Variants in CYFIP2 observed in about 807,000 individuals in gnomAD.
The protein encoded by CYFIP2 is cytoplasmic FMR1 interacting protein 2.
Under a neutral mutation model 158.7 loss-of-function variants are expected in CYFIP2, and 29 were observed. That is an observed-to-expected ratio of 0.18 (90% CI 0.14 to 0.25). The LOEUF (loss-of-function observed/expected upper bound fraction) is 0.25. Ranked by LOEUF, CYFIP2 falls within the 10% of genes least tolerant of loss-of-function variation. The probability of loss-of-function intolerance (pLI) is 1.00; values close to 1 mark genes in which losing one functional copy is unlikely to be tolerated. For missense variants in CYFIP2, 852 were observed against 1,639.5 expected (o/e 0.52, Z 8.29); for synonymous variants, 585 against 617.6 (o/e 0.95, Z 0.78).
chr5:157,268,647 C>T (rs371423045), intron 1 of CYFIP2, among the ~76,000 whole-genome samples: 1 of 152,254 alleles, frequency 6.6e-6, no homozygotes, highest in East Asian at 1.9e-4. Context: ...CCACCAAAAG[C>T]GTCACAAAAT....
chr5:157,377,987 C>T (rs1387941289), intron 26 of CYFIP2, among the ~76,000 whole-genome samples: 1 of 152,150 alleles, frequency 6.6e-6, no homozygotes, highest in Non-Finnish European at 1.5e-5. Flanking sequence ...AATAAAAGCT[C>T]TGGTAAGTTT....
At chr5:157,294,756 C>T (rs1393978281) in intron 3 of CYFIP2, 27 bp from the exon 4 acceptor site, 2 of 1,609,758 alleles carry the variant, frequency 1.2e-6, no homozygotes, top group African/African-American at 1.3e-5. Context: ...CTTGTTCCTC[C>T]CTGCTGAGGC....
intron 26 of CYFIP2, among the ~76,000 whole-genome samples, chr5:157,380,909 A>G (rs1765989803): frequency 6.6e-6 from 1 of 152,138 alleles, no homozygotes; most frequent in Non-Finnish European, 1.5e-5. Flanking sequence ...AGAAACAAAC[A>G]CCTCACTTAA....
At chr5:157,316,089 T>TA (rs11359676) in intron 13 of CYFIP2, among the ~76,000 whole-genome samples, 2 of 151,544 alleles carry the variant, frequency 1.3e-5, no homozygotes, top group Non-Finnish European at 2.9e-5. Context: ...GACTCTGTCT[T>TA]AAAAAAAATA....
intron 21 of CYFIP2, 61 bp from the exon 22 acceptor site, chr5:157,338,996 A>T: frequency 6.7e-7 from 1 of 1,492,524 alleles, no homozygotes; most frequent in Non-Finnish European, 9.0e-7. Flanking sequence ...GTAAGATAAA[A>T]CACACACATG....
chr5:157,364,922 G>C (rs964336257), intron 26 of CYFIP2: 6 of 152,054 alleles, frequency 3.9e-5, no homozygotes, highest in Admixed American at 3.3e-4. Context: ...CTCTGAAGCA[G>C]GTAAAAAGAA....
chr5:157,376,494 G>A (rs1765492559), intron 26 of CYFIP2: 1 of 154,898 alleles, frequency 6.5e-6, no homozygotes. Flanking sequence ...GCACTCAATA[G>A]ATATTTGGTG....
intron 1 of CYFIP2, among the ~76,000 whole-genome samples, chr5:157,268,777 T>G (rs1415786847): frequency 6.6e-6 from 1 of 152,242 alleles, no homozygotes; most frequent in African/African-American, 2.4e-5. Context: ...GGAGTCTTTA[T>G]GAAAGGCTTT....
chr5:157,310,894 G>T, intron 10 of CYFIP2: 1 of 427,356 alleles, frequency 2.3e-6, no homozygotes, highest in East Asian at 7.1e-5. Context: ...TCATCTGTCT[G>T]CTGGGTCACC....
intron 20 of CYFIP2, 88 bp downstream of exon 20, chr5:157,330,938 G>T (rs1761409297): frequency 2.0e-6 from 2 of 1,008,200 alleles, no homozygotes; most frequent in Non-Finnish European, 3.1e-6. Flanking sequence ...TCAGGCCTGG[G>T]TATTGTCTGC....
rs1392531290 is a variant in CYFIP2, at chr5:157,296,710, A to C, written c.323A>C (p.Tyr108Ser). The C allele has an allele frequency of 6.2e-7, 1 of 1,613,764 alleles. No homozygotes were observed. Among genetic ancestry groups the C allele is most frequent in the African/African-American group, 1.3e-5 (1 of 74,948 alleles). The change falls in exon 5 of 31, where the codon TAT becomes TCT. Residue 108 changes from tyrosine to serine, a missense_variant. Around this residue, in one of 8 missense-constraint regions of CYFIP2, gnomAD observed 123 missense variants for 316.7 expected, o/e 0.39. Coordinates refer to ENST00000620254, the MANE Select transcript of CYFIP2 (RefSeq NM_001037333.3). The part of the protein sequence containing the change: ...CNEQPNRVEI[Y>S]EKTVEVLEPE... Reference sequence around the variant, plus strand: ...GAGCAGCCCAACCGAGTAGAGATCTATGAGAAGACAGTAGAGGTGCTGGAG... The same window carrying C: ...GAGCAGCCCAACCGAGTAGAGATCTCTGAGAAGACAGTAGAGGTGCTGGAG...
intron 23 of CYFIP2, among the ~76,000 whole-genome samples, chr5:157,358,473 G>A (rs541001390): frequency 2.1e-4 from 32 of 152,284 alleles, no homozygotes; most frequent in Non-Finnish European, 2.8e-4. Flanking sequence ...GAAAACTGTA[G>A]GTGGTTGTCC....
chr5:157,294,682 G>C, intron 3 of CYFIP2, 101 bp from the exon 4 acceptor site: 2 of 829,090 alleles, frequency 2.4e-6, no homozygotes, highest in Non-Finnish European at 3.9e-6. Context: ...TCCATGCTGT[G>C]GGTCCATGGA....
chr5:157,311,882 A>G lies in CYFIP2; in HGVS notation c.1110+101A>G. On this transcript the variant is annotated intron_variant, in intron 11 of 30. Transcript: ENST00000620254. The surrounding 1 kb of genome is among the most constrained non-coding windows in gnomAD (Gnocchi z 4.7). ...ATGGACCCACGGAACACTGGAGAGTAGAAGGGAGGGAGGCAGGAGGGTAAA... is the reference window on the plus strand; with the variant it reads ...ATGGACCCACGGAACACTGGAGAGTGGAAGGGAGGGAGGCAGGAGGGTAAA... 1 of 1,117,176 alleles carries G rather than the reference A, an allele frequency of 9.0e-7. No homozygotes were observed. The highest frequency in any genetic ancestry group is 2.3e-5 in the Admixed American group (1 of 43,226). 69.2% of individuals were successfully genotyped at this position (1,117,176 alleles called of 1,614,324 possible).
chr5:157,391,955 T>C (rs1039393971), intron 30 of CYFIP2, among the ~76,000 whole-genome samples: 9 of 152,240 alleles, frequency 5.9e-5, no homozygotes, highest in African/African-American at 2.2e-4. Flanking sequence ...ATAATAGTCA[T>C]CCTGAGGGGT....
At chr5:157,337,756 A>G (rs1761965179) in intron 21 of CYFIP2, among the ~76,000 whole-genome samples, 1 of 152,250 alleles carries the variant, frequency 6.6e-6, no homozygotes, top group South Asian at 2.1e-4. Context: ...CCACCCGGCC[A>G]TGCTCTGATG....
At chr5:157,389,168 T>C (rs1427961748) in intron 28 of CYFIP2, 21 bp from the exon 29 acceptor site, 1 of 1,583,356 alleles carries the variant, frequency 6.3e-7, no homozygotes. Flanking sequence ...ATAGAAGGTG[T>C]ATGTGCCCTT....
chr5:157,337,040 G>A (rs1761905505), intron 21 of CYFIP2, among the ~76,000 whole-genome samples: 3 of 152,190 alleles, frequency 2.0e-5, no homozygotes, highest in African/African-American at 7.2e-5. Flanking sequence ...TTGTTCCCCA[G>A]CTTCTCAGTT....
chr5:157,342,905 C>G (rs762802394), intron 23 of CYFIP2: 10 of 1,613,962 alleles, frequency 6.2e-6, no homozygotes, highest in East Asian at 4.5e-5. Flanking sequence ...GTCACCACCC[C>G]CCCTCTGTAA....
Sources: gnomAD v4.1 joint callset for allele counts (sites outside exome capture counted in the v4.1 genomes callset) on GRCh38, gnomAD v4.1.1 for gene constraint, gnomAD v4.1.1 regional missense constraint, Gnocchi (gnomAD v3.1) non-coding constraint, MANE v1.5 for transcripts, NCBI Gene and HGNC (gene_info 2026-07-23, HGNC 2026-07-21) for gene names.